NOCT: variants seen among roughly 807,000 people sequenced by gnomAD.
NOCT encodes CCR4 carbon catabolite repression 4-like.
NOCT carries 18 observed loss-of-function variants against 35.0 expected under a neutral mutation model. The ratio of observed to expected loss-of-function variants is 0.51; its 90% CI spans 0.36 to 0.76. NOCT has a LOEUF of 0.76. Ranked by LOEUF, NOCT falls within the 30% of genes least tolerant of loss-of-function variation. The pLI is 0.01. For missense variants in NOCT, 479 were observed against 541.0 expected (o/e 0.89, Z 1.14); for synonymous variants, 235 against 226.3 (o/e 1.04, Z -0.34).
intron 1 of NOCT, among the ~76,000 whole-genome samples, chr4:139,039,941 T>C (rs992655103): frequency 6.6e-6 from 1 of 152,120 alleles, no homozygotes; most frequent in Admixed American, 6.5e-5. Flanking sequence ...TAGGCCAGGC[T>C]GATGTTGAAC....
At chr4:139,021,945 G>T (rs1257189106) in intron 1 of NOCT, among the ~76,000 whole-genome samples, 1 of 152,062 alleles carries the variant, frequency 6.6e-6, no homozygotes, top group East Asian at 1.9e-4. Context: ...ATTTAGTAGA[G>T]ACAGGGTTTC....
At chr4:139,028,681 G>A (rs571199416) in intron 1 of NOCT, among the ~76,000 whole-genome samples, 1 of 152,238 alleles carries the variant, frequency 6.6e-6, no homozygotes, top group Non-Finnish European at 1.5e-5. Context: ...GCAGTCCAAG[G>A]TGCAGGTAAC....
At chr4:139,039,460 A>G (rs954023938) in intron 1 of NOCT, among the ~76,000 whole-genome samples, 2 of 150,570 alleles carry the variant, frequency 1.3e-5, no homozygotes, top group African/African-American at 4.9e-5. Flanking sequence ...CTACTTTTTA[A>G]GTATTTTTTT....
At chr4:139,041,537 A>G (rs1726832816) in intron 1 of NOCT, among the ~76,000 whole-genome samples, 2 of 152,354 alleles carry the variant, frequency 1.3e-5, no homozygotes, top group Admixed American at 6.5e-5. Context: ...AAGAGCAATC[A>G]ACTGCTTTCA....
Position 139,045,706 on chromosome 4 carries a change from C to A in NOCT, c.*232C>A. ...TAATTTTTTGTATTTTTAGTAGAGA[C>A]GGGGTTTCACCGTGTTAGCCAGGAT... On this transcript the variant is annotated 3_prime_UTR_variant, in exon 3 of 3. Transcript: ENST00000280614. 1 of 392,546 alleles carries A rather than the reference C, an allele frequency of 2.5e-6. No homozygotes were observed. Among genetic ancestry groups the A allele is most frequent in the Non-Finnish European group, 4.5e-6 (1 of 221,320 alleles). 24.3% of individuals were successfully genotyped at this position (392,546 alleles called of 1,614,324 possible).
chr4:139,035,608 T>G (rs1726716633), intron 1 of NOCT, among the ~76,000 whole-genome samples: 1 of 152,228 alleles, frequency 6.6e-6, no homozygotes, highest in Non-Finnish European at 1.5e-5. Context: ...AGTTTCCTCC[T>G]GTCTGCCCTT....
intron 1 of NOCT, among the ~76,000 whole-genome samples, chr4:139,039,187 A>AAAAAAAAAAAAAAAAAAAAAAG (rs1726791406): frequency 6.6e-6 from 1 of 151,050 alleles, no homozygotes; most frequent in African/African-American, 2.4e-5. Flanking sequence ...AAAAAAAAAA[A>AAAAAAAAAAAAAAAAAAAAAAG]GCCATTCTTA....
At position 139,044,627 on chromosome 4, in the gene NOCT, T is replaced by C. The variant is rs1409011496; in HGVS notation, c.461-12T>C. 5.1e-6 allele frequency: 8 copies of C among 1,579,590 alleles called. No homozygotes were observed. The highest frequency in any genetic ancestry group is 8.7e-7 in the Non-Finnish European group (1 of 1,151,786). ...TGTAAGAGCTGACAACTGACTAGCT[T>C]TTTCTTTTCAGCTCTTGGAGAAGGC... On this transcript the variant is annotated splice_polypyrimidine_tract_variant and intron_variant, in intron 2 of 2. Coordinates refer to ENST00000280614, the MANE Select transcript of NOCT (RefSeq NM_012118.4).
At chr4:139,043,602 C>G (rs1396943430) in intron 2 of NOCT, 4 of 375,726 alleles carry the variant, frequency 1.1e-5, no homozygotes, top group Non-Finnish European at 1.9e-5. Context: ...AAAGAATAAA[C>G]CACGAGTTAC....
chr4:139,029,555 A>G (rs1444375231), intron 1 of NOCT, among the ~76,000 whole-genome samples: 2 of 152,252 alleles, frequency 1.3e-5, no homozygotes, highest in Non-Finnish European at 2.9e-5. Flanking sequence ...GTCACTAACT[A>G]AAATATTTGA....
Position 139,015,815 on chromosome 4 carries a change from C to T in NOCT, c.-167C>T, listed in dbSNP as rs919476483. The T allele has an allele frequency of 3.2e-5, 15 of 474,470 alleles. No homozygotes were observed. The highest frequency in any genetic ancestry group is 4.9e-5 in the Non-Finnish European group (15 of 306,908). 29.4% of individuals were successfully genotyped at this position (474,470 alleles called of 1,614,324 possible). A position where few individuals can be genotyped will look rare whatever the true frequency, so the allele number is the denominator to read the frequency against. ...CGACGCAGCGGTGTTGCACCTCCCT[C>T]TCCGGCTCTGCTGCCCGGGATTTCC... On this transcript the variant is annotated 5_prime_UTR_variant, in exon 1 of 3. Transcript: ENST00000280614.
Position 139,016,054 on chromosome 4 carries a change from GC to G in NOCT, c.77del (p.Pro26GlnfsTer57). ...CGCGCCCGGCCTGCGCCGCCTGCCC[GC>G]CCCAGGGCTGCGCCGCCCGTTGTCC... Reference protein sequence around the residue: ...RDAPGLRRLPAPGLRRPLSPP... With the variant: ...RDAPGLRRLPXPGLRRPLSPP... On this transcript the variant is annotated frameshift_variant, in exon 1 of 3. Transcript: ENST00000280614. LOFTEE classifies it high-confidence loss of function. 1.4e-6 allele frequency: 2 copies of G among 1,382,946 alleles called. No homozygotes were observed. The highest frequency in any genetic ancestry group is 2.8e-5 in the Admixed American group (1 of 35,116). The allele number at this position is 1,382,946 out of a possible 1,614,324, so 85.7% of individuals were successfully genotyped here. A position where few individuals can be genotyped will look rare whatever the true frequency, so the allele number is the denominator to read the frequency against.
Position 139,017,081 on chromosome 4 carries a change from C to T in NOCT, c.190+910C>T, listed in dbSNP as rs1275261808. Among the ~76,000 whole-genome samples the T allele has an allele frequency of 9.5e-5, 14 of 148,016 alleles. No individual in the cohort carries two copies. In the South Asian group the frequency reaches 3.0e-3, roughly 32 times the overall value. Reference sequence around the variant, plus strand: ...AGTTTCACCAAGAGCTGTTTTCATACATCATAATAACTACCCTGAGTTTTC... The same window carrying T: ...AGTTTCACCAAGAGCTGTTTTCATATATCATAATAACTACCCTGAGTTTTC... On this transcript the variant is annotated intron_variant, in intron 1 of 2. Transcript: ENST00000280614.
chr4:139,016,722 C>T lies in NOCT; in HGVS notation c.190+551C>T, dbSNP rs540274296. ...AGGCTGGAGTCCAGTGGCACGATAT[C>T]GGCTTACCGCAACCTCCCGCTCCCG... is the stretch of plus-strand genomic sequence containing the variant. On this transcript the variant is annotated intron_variant, in intron 1 of 2. Coordinates refer to ENST00000280614, the MANE Select transcript of NOCT (RefSeq NM_012118.4). Among the ~76,000 whole-genome samples the T allele has an allele frequency of 6.7e-5, 8 of 120,118 alleles. No homozygotes were observed. In the East Asian group the frequency reaches 1.9e-3, roughly 29 times the overall value. 78.8% of individuals were successfully genotyped at this position (120,118 alleles called of 152,430 possible).
At chr4:139,028,572 C>G (rs1279513785) in intron 1 of NOCT, among the ~76,000 whole-genome samples, 1 of 152,220 alleles carries the variant, frequency 6.6e-6, no homozygotes, top group African/African-American at 2.4e-5. Context: ...TCTTTCTGGC[C>G]TGAAGAATGG....
At chr4:139,037,025 C>T (rs1726748320) in intron 1 of NOCT, among the ~76,000 whole-genome samples, 1 of 152,216 alleles carries the variant, frequency 6.6e-6, no homozygotes, top group South Asian at 2.1e-4. Flanking sequence ...ACTTCATGCT[C>T]ATTATGCAAC....
intron 1 of NOCT, among the ~76,000 whole-genome samples, chr4:139,017,813 AAATTTTAAAAAATG>A (rs1303770441): frequency 3.3e-5 from 5 of 152,096 alleles, no homozygotes; most frequent in Non-Finnish European, 7.4e-5. Flanking sequence ...AAATTAATAA[AAATTTTAAAAAATG>A]TATATATTTT....
In NOCT at chr4:139,015,909, C is replaced by A; in HGVS notation, c.-73C>A. ...CACACTGCCCGGACAGTCGGCTCGA[C>A]TCGGTGCCCTCGGCCCCAGCCGGGC... On this transcript the variant is annotated 5_prime_UTR_variant, in exon 1 of 3. Transcript: ENST00000280614. 2.5e-6 allele frequency: 3 copies of A among 1,186,814 alleles called. No homozygotes were observed. Among genetic ancestry groups the A allele is most frequent in the Non-Finnish European group, 3.2e-6 (3 of 933,798 alleles). The allele number at this position is 1,186,814 out of a possible 1,614,324, so 73.5% of individuals were successfully genotyped here.
chr4:139,045,085 G>C lies in NOCT; in HGVS notation c.907G>C (p.Asp303His). The C allele has an allele frequency of 6.2e-7, 1 of 1,614,156 alleles. No individual in the cohort carries two copies. The highest frequency in any genetic ancestry group is 1.1e-5 in the South Asian group (1 of 91,086). Residue 303 changes from aspartate to histidine, a missense_variant, in exon 3 of 3, where the codon GAC becomes CAC. Physicochemically the swap from Asp to His is moderately conservative, Grantham distance 81. This residue lies in a region of NOCT where 214 missense variants were observed against 284.0 expected (regional missense o/e 0.75). Coordinates refer to ENST00000280614, the MANE Select transcript of NOCT (RefSeq NM_012118.4). Reference sequence around the variant, plus strand: ...GCGGTTTCGATCAGCTCAAGGCTGTGACCTCCTTCAGAACCTGCAAAACAT... The same window carrying C: ...GCGGTTTCGATCAGCTCAAGGCTGTCACCTCCTTCAGAACCTGCAAAACAT... Reference protein sequence around the residue: ...WERFRSAQGCDLLQNLQNITQ... With the variant: ...WERFRSAQGCHLLQNLQNITQ...
Sources: allele counts gnomAD v4.1 joint callset (sites outside exome capture counted in the v4.1 genomes callset), GRCh38; gene constraint gnomAD v4.1.1; regional missense constraint gnomAD v4.1.1; transcripts MANE v1.5; gene names NCBI Gene and HGNC (gene_info 2026-07-23, HGNC 2026-07-21).